The following LARP1 variants were observed in gnomAD, a reference collection of about 807,000 sequenced individuals.
The protein encoded by LARP1 is La ribonucleoprotein 1, translational regulator.
Under a neutral mutation model 122.7 loss-of-function variants are expected in LARP1, and 36 were observed. The observed-to-expected ratio is 0.29, with a 90% CI of 0.22 to 0.39. The LOEUF is 0.39. Among genes scored for constraint, LARP1 ranks in the 10% least tolerant of loss-of-function variants. The pLI is 1.00. For missense variants in LARP1, 1,040 were observed against 1,403.6 expected, an observed-to-expected ratio of 0.74 and a Z score of 4.14; for synonymous variants, 539 against 528.7, an observed-to-expected ratio of 1.02 and a Z score of -0.27.
intron 1 of LARP1, among the ~76,000 whole-genome samples, chr5:154,769,102 G>T (rs952734639): frequency 6.6e-6 from 1 of 152,224 alleles, no homozygotes; most frequent in East Asian, 1.9e-4. Flanking sequence ...GCCTCTCAAA[G>T]TGCAGGAGTT....
Position 154,720,029 on chromosome 5 carries a change from T to C in LARP1, c.205+6899T>C, listed in dbSNP as rs565227957. Among the ~76,000 whole-genome samples the C allele has an allele frequency of 1.6e-3, 235 of 150,888 alleles. 1 individual carries two copies. The highest frequency in any genetic ancestry group is 5.3e-3 in the African/African-American group (216 of 41,112). On this transcript the variant is annotated intron_variant, in intron 1 of 18. Coordinates refer to the LARP1 transcript ENST00000336314. ...CAACAAGGTGAAACCCCGTCTCTAC[T>C]AAAATACAAAAATTAGCCAGGCGTG...
rs527887853 is a variant in LARP1, at chr5:154,695,143, G to A, written c.-180+12106G>A. 3.9e-5 allele frequency among the ~76,000 whole-genome samples: 6 copies of A among 152,144 alleles called. No homozygotes were observed. The South Asian group carries it at 1.2e-3, about 32-fold the overall frequency. ...AATCTGGCTAACATGGTGAAACCCC[G>A]TCTCTACTAAAAATACAAAAAATTA... On this transcript the variant is annotated intron_variant, in intron 1 of 18. Transcript: ENST00000687700.
chr5:154,813,847 T>C lies in LARP1; in HGVS notation c.3082-40T>C, dbSNP rs754627544. ...GGCCTGGCAAGGAAGAGGGCGTAGA[T>C]AGTGCTTCTGATCACCTGTGACTCC... On this transcript the variant is annotated intron_variant, in intron 18 of 18. Transcript: ENST00000518297. 5.7e-6 allele frequency: 9 copies of C among 1,567,748 alleles called. No individual in the cohort carries two copies. The East Asian group carries it at 9.0e-5, about 16-fold the overall frequency.
rs560489880 is a variant in LARP1 at position 154,784,144 on chromosome 5, C to A, written c.437-6181C>A. On this transcript the variant is annotated intron_variant, in intron 1 of 18. Transcript: ENST00000518297. ...TATAACCTCAGGAATTAGCACTTGA[C>A]AAGCAAAGCCTCTTCTGGTGTGAAG... Among the ~76,000 whole-genome samples the A allele has an allele frequency of 3.9e-4, 60 of 152,342 alleles. No individual in the cohort carries two copies. In the South Asian group the frequency reaches 5.4e-3, roughly 14 times the overall value.
intron 3 of LARP1, among the ~76,000 whole-genome samples, chr5:154,792,309 AC>A (rs1003093599): frequency 2.0e-5 from 3 of 152,150 alleles, no homozygotes; most frequent in African/African-American, 7.2e-5. Flanking sequence ...CCCACAGACT[AC>A]CTAGACAACA....
At chr5:154,783,943 A>T (rs1756670952) in intron 1 of LARP1, among the ~76,000 whole-genome samples, 1 of 152,180 alleles carries the variant, frequency 6.6e-6, no homozygotes, top group Non-Finnish European at 1.5e-5. Context: ...CAAGGGTTAT[A>T]CAACTGGTGA....
intron 1 of LARP1, among the ~76,000 whole-genome samples, chr5:154,758,690 T>C (rs549128301): frequency 6.6e-6 from 1 of 152,350 alleles, no homozygotes; most frequent in South Asian, 2.1e-4. Flanking sequence ...TTTGGGAGTC[T>C]ACAGAAATGA....
chr5:154,684,435 C>A (rs1159619427), intron 1 of LARP1, among the ~76,000 whole-genome samples: 1 of 151,996 alleles, frequency 6.6e-6, no homozygotes, highest in Admixed American at 6.6e-5. Context: ...GACCCTTTCA[C>A]ACACACACAC....
chr5:154,790,343 A>C lies in LARP1; in HGVS notation c.455A>C (p.Lys152Thr). The change falls in exon 2 of 19, where the codon AAG (lysine) becomes ACG (threonine). Residue 152 changes from lysine (K) to threonine (T), a missense_variant. By Grantham distance (78) the Lys-to-Thr change is moderately conservative. Coordinates refer to ENST00000518297, the MANE Select transcript of LARP1 (RefSeq NM_033551.3). The part of the protein sequence containing the change: ...QSPPEHSAPA[K>T]VVRAAVPKQR... ...CCCACAGAACACTCTGCTCCAGCCAAGGTGGTGAGGGCAGCTGTTCCTAAA... is the reference window on the plus strand; with the variant it reads ...CCCACAGAACACTCTGCTCCAGCCACGGTGGTGAGGGCAGCTGTTCCTAAA... The C allele has an allele frequency of 6.2e-7, 1 of 1,613,690 alleles. No homozygotes were observed. Among genetic ancestry groups the C allele is most frequent in the Non-Finnish European group, 8.5e-7 (1 of 1,179,804 alleles).
At chr5:154,687,739 G>C (rs1205137381) in intron 1 of LARP1, among the ~76,000 whole-genome samples, 1 of 152,078 alleles carries the variant, frequency 6.6e-6, no homozygotes, top group Non-Finnish European at 1.5e-5. Context: ...GAAGGCGAAG[G>C]TGGCAGGAAA....
intron 8 of LARP1, among the ~76,000 whole-genome samples, chr5:154,797,425 G>C (rs1453287868): frequency 6.6e-6 from 1 of 150,896 alleles, no homozygotes; most frequent in Non-Finnish European, 1.5e-5. Flanking sequence ...TAGAGATGGG[G>C]TTTCACCATG....
Position 154,815,260 on chromosome 5 carries a change from T to TG in LARP1, c.*1165dup, listed in dbSNP as rs1430978999. ...CTGACGTCCTGTGTCTGTACACTGCTGCCACTGTTGTGTCCTCGCTCTGCT... is the reference window on the plus strand; with the variant it reads ...CTGACGTCCTGTGTCTGTACACTGCTGGCCACTGTTGTGTCCTCGCTCTGCT... On this transcript the variant is annotated 3_prime_UTR_variant, in exon 19 of 19. Coordinates refer to ENST00000518297, the MANE Select transcript of LARP1 (RefSeq NM_033551.3). 1 of 152,548 alleles carries TG rather than the reference T, an allele frequency of 6.6e-6. No individual in the cohort carries two copies. The highest frequency in any genetic ancestry group is 1.5e-5 in the Non-Finnish European group (1 of 68,050). 9.4% of individuals were successfully genotyped at this position (152,548 alleles called of 1,614,324 possible).
At chr5:154,742,085 T>C (rs1253524238) in intron 1 of LARP1, among the ~76,000 whole-genome samples, 17 of 152,218 alleles carry the variant, frequency 1.1e-4, no homozygotes, top group Non-Finnish European at 1.3e-4. Flanking sequence ...GATCCATGCC[T>C]GTTGTTGGGA....
intron 1 of LARP1, among the ~76,000 whole-genome samples, chr5:154,737,872 C>A (rs777548248): frequency 4.6e-5 from 7 of 152,050 alleles, no homozygotes; most frequent in Non-Finnish European, 7.4e-5. Context: ...TCTGCTCTAA[C>A]CACCCCTCCT....
chr5:154,755,970 G>A lies in LARP1; in HGVS notation c.213G>A (p.Gln71=). 4 of 1,003,490 alleles carry A rather than the reference G, an allele frequency of 4.0e-6. No homozygotes were observed. The highest frequency in any genetic ancestry group is 4.7e-6 in the Non-Finnish European group (4 of 843,678). 62.2% of individuals were successfully genotyped at this position (1,003,490 alleles called of 1,614,324 possible). ...CGCACAAGGAGGGCACCGGGCAGCAGGAGCGCGAGAGCCCGCGGCCGCTGC... is the reference window on the plus strand; with the variant it reads ...CGCACAAGGAGGGCACCGGGCAGCAAGAGCGCGAGAGCCCGCGGCCGCTGC... The part of the protein sequence containing the change: ...AKPHKEGTGQ[Q]ERESPRPLQL... The change falls in exon 1 of 19, where the codon CAG becomes CAA. Residue 71 remains glutamine, a synonymous_variant. Coordinates refer to ENST00000518297, the MANE Select transcript of LARP1 (RefSeq NM_033551.3).
intron 1 of LARP1, among the ~76,000 whole-genome samples, chr5:154,733,320 A>T (rs751281064): frequency 1.3e-5 from 2 of 152,234 alleles, no homozygotes; most frequent in African/African-American, 4.8e-5. Flanking sequence ...AGGCTTTGGC[A>T]TCAGACTGCT....
intron 1 of LARP1, among the ~76,000 whole-genome samples, chr5:154,765,994 C>G (rs1754918669): frequency 6.6e-6 from 1 of 152,118 alleles, no homozygotes; most frequent in Non-Finnish European, 1.5e-5. Flanking sequence ...AATTCTTTGG[C>G]AGTGTAGCAG....
At chr5:154,732,020 G>GAA (rs34082968) in intron 1 of LARP1, among the ~76,000 whole-genome samples, 6 of 135,076 alleles carry the variant, frequency 4.4e-5, no homozygotes, top group Admixed American at 7.5e-5. Context: ...GACTCCGTCT[G>GAA]AAAAAAAAAA....
chr5:154,736,215 C>T (rs974487875), intron 1 of LARP1, among the ~76,000 whole-genome samples: 19 of 151,884 alleles, frequency 1.3e-4, no homozygotes, highest in Non-Finnish European at 2.2e-4. Flanking sequence ...CCTGCTTCAG[C>T]CTCCCGAGTA....
Sources: allele counts gnomAD v4.1 joint callset (sites outside exome capture counted in the v4.1 genomes callset), GRCh38; gene constraint gnomAD v4.1.1; transcripts MANE v1.5; gene names NCBI Gene and HGNC (gene_info 2026-07-23, HGNC 2026-07-21).